PIWIL2: variants seen among roughly 807,000 people sequenced by gnomAD.
PIWIL2 encodes the protein piwi like RNA-mediated gene silencing 2.
PIWIL2 carries 81 observed loss-of-function variants against 116.5 expected under a neutral mutation model. The observed-to-expected ratio is 0.70, with a 90% CI of 0.58 to 0.84. The LOEUF is 0.84. PIWIL2 is among the 40% of genes least tolerant of loss of function. The pLI is 0.00. For synonymous variants in PIWIL2, 489 were observed against 429.5 expected, an observed-to-expected ratio of 1.14 and a Z score of -1.71; for missense variants, 1,272 against 1,212.3, an observed-to-expected ratio of 1.05 and a Z score of -0.73.
intron 10 of PIWIL2, among the ~76,000 whole-genome samples, chr8:22,297,344 C>T (rs1238065554): frequency 6.6e-6 from 1 of 152,124 alleles, no homozygotes; most frequent in African/African-American, 2.4e-5. Context: ...CCTCGAAATC[C>T]TGGCCTTAAG....
intron 10 of PIWIL2, among the ~76,000 whole-genome samples, chr8:22,298,851 T>C (rs1198119096): frequency 6.6e-6 from 1 of 152,176 alleles, no homozygotes; most frequent in Non-Finnish European, 1.5e-5. Flanking sequence ...GCGAGACTCT[T>C]GTGAGTTGAT....
chr8:22,277,608 T>C (rs1830407186), intron 1 of PIWIL2, among the ~76,000 whole-genome samples: 1 of 152,138 alleles, frequency 6.6e-6, no homozygotes, highest in African/African-American at 2.4e-5. Context: ...CTGGCCTCAA[T>C]GGTCCTCCCA....
rs556545935 is a variant in PIWIL2 at position 22,294,457 on chromosome 8, C to T, written c.1181+4111C>T. Among the ~76,000 whole-genome samples, 36 of 150,348 alleles carry T rather than the reference C, an allele frequency of 2.4e-4. 1 individual carries two copies. Among genetic ancestry groups the T allele is most frequent in the Admixed American group, 2.0e-3 (30 of 15,086 alleles). On this transcript the variant is annotated intron_variant, in intron 10 of 22. Coordinates refer to ENST00000356766, the MANE Select transcript of PIWIL2 (RefSeq NM_018068.5). ...GCGATCGAGACCATCCTGGCCAACACGGTGAAACCCCGTCTCTACTAAAAA... is the reference window on the plus strand; with the variant it reads ...GCGATCGAGACCATCCTGGCCAACATGGTGAAACCCCGTCTCTACTAAAAA...
intron 14 of PIWIL2, among the ~76,000 whole-genome samples, chr8:22,308,668 A>G (rs991382339): frequency 6.6e-6 from 1 of 152,112 alleles, no homozygotes; most frequent in African/African-American, 2.4e-5. Context: ...AAATTAACTA[A>G]TTTAAAAAAA....
At chr8:22,289,730 C>T in intron 8 of PIWIL2, 117 bp from the exon 9 acceptor site, 1 of 657,686 alleles carries the variant, frequency 1.5e-6, no homozygotes, top group Non-Finnish European at 2.7e-6. Flanking sequence ...CTGTCTTCTG[C>T]AAAGAGCACA....
In PIWIL2 at chr8:22,314,334, A is replaced by G; in HGVS notation, c.1996A>G (p.Ile666Val). 2 of 1,549,358 alleles carry G rather than the reference A, an allele frequency of 1.3e-6. No individual in the cohort carries two copies. The highest frequency in any genetic ancestry group is 1.4e-5 in the African/African-American group (1 of 72,728). ...IQSTLGAEGK[I>V]QMVVCIIMGP... ...TATACCTTATCTCCTCAAGGGGAAGATACAGATGGTTGTTTGCATCATCAT... is the reference window on the plus strand; with the variant it reads ...TATACCTTATCTCCTCAAGGGGAAGGTACAGATGGTTGTTTGCATCATCAT... Residue 666 changes from isoleucine to valine, a missense_variant, in exon 17 of 23, where the codon ATA (isoleucine) becomes GTA (valine). Ile to Val is a conservative substitution (Grantham distance 29). Transcript: ENST00000356766.
intron 10 of PIWIL2, among the ~76,000 whole-genome samples, chr8:22,293,277 C>G (rs1830805703): frequency 6.6e-6 from 1 of 152,030 alleles, no homozygotes; most frequent in Admixed American, 6.6e-5. Flanking sequence ...CTACTGTACT[C>G]CAGCCTAGGC....
Position 22,300,004 on chromosome 8 carries a change from A to G in PIWIL2, c.1182-4017A>G, listed in dbSNP as rs376206257. 2.4e-4 allele frequency among the ~76,000 whole-genome samples: 36 copies of G among 151,892 alleles called. No homozygotes were observed. The South Asian group carries it at 6.0e-3, about 25-fold the overall frequency. Reference sequence around the variant, plus strand: ...ACCCAGGCTGGAGTGCAATGGTGCGATCTCAGCTCGCTGCAACCTCCATCT... The same window carrying G: ...ACCCAGGCTGGAGTGCAATGGTGCGGTCTCAGCTCGCTGCAACCTCCATCT... On this transcript the variant is annotated intron_variant, in intron 10 of 22. Coordinates refer to ENST00000356766, the MANE Select transcript of PIWIL2 (RefSeq NM_018068.5).
intron 10 of PIWIL2, among the ~76,000 whole-genome samples, chr8:22,293,020 G>T (rs1464551800): frequency 6.6e-6 from 1 of 152,204 alleles, no homozygotes; most frequent in African/African-American, 2.4e-5. Context: ...AAATGTTCAA[G>T]AATATTTATT....
intron 20 of PIWIL2, among the ~76,000 whole-genome samples, chr8:22,325,456 A>T (rs1831700734): frequency 6.7e-6 from 1 of 150,056 alleles, no homozygotes; most frequent in South Asian, 2.1e-4. Context: ...ATGGTCTAAA[A>T]TGATGCATTA....
chr8:22,353,912 A>G lies in PIWIL2; in HGVS notation c.2658-359A>G, dbSNP rs62492573. ...CACCTCAGCCTCCTGAGTAGCTGGG[A>G]CAATAGGCGTATGCCACCATGCCCA... On this transcript the variant is annotated intron_variant, in intron 21 of 22. Transcript: ENST00000356766. 5.7e-3 allele frequency among the ~76,000 whole-genome samples: 860 copies of G among 151,908 alleles called. 5 individuals carry two copies. Among genetic ancestry groups the G allele is most frequent in the South Asian group, 0.023 (110 of 4,802 alleles).
At chr8:22,317,839 T>G (rs796182727) in intron 19 of PIWIL2, among the ~76,000 whole-genome samples, 27 of 152,106 alleles carry the variant, frequency 1.8e-4, no homozygotes, top group African/African-American at 5.8e-4. Context: ...TTTTTTGTAC[T>G]TTTAGTAGAG....
rs1039113124 is a variant in PIWIL2 at position 22,333,706 on chromosome 8, G to T, written c.2403+15431G>T. On this transcript the variant is annotated intron_variant, in intron 20 of 22. Transcript: ENST00000356766. ...ACCAGAAGGTTAGTGGTTGCCTGGGGCTGGGGTCGAGGAGGGAACTGGAGT... is the reference window on the plus strand; with the variant it reads ...ACCAGAAGGTTAGTGGTTGCCTGGGTCTGGGGTCGAGGAGGGAACTGGAGT... Among the ~76,000 whole-genome samples the T allele has an allele frequency of 4.8e-4, 73 of 152,012 alleles. 2 individuals are homozygous for T. The highest frequency in any genetic ancestry group is 2.1e-4 in the South Asian group (1 of 4,808).
intron 20 of PIWIL2, among the ~76,000 whole-genome samples, chr8:22,330,474 G>A (rs1245146662): frequency 6.6e-6 from 1 of 151,966 alleles, no homozygotes; most frequent in Non-Finnish European, 1.5e-5. Context: ...CGAGGCGGGT[G>A]GATCACGAGG....
chr8:22,288,965 T>C (rs534524241), intron 8 of PIWIL2, among the ~76,000 whole-genome samples: 2 of 152,218 alleles, frequency 1.3e-5, no homozygotes, highest in South Asian at 4.1e-4. Flanking sequence ...ATGGTGACGG[T>C]AACAAGGGGG....
chr8:22,294,940 G>A (rs994777634), intron 10 of PIWIL2, among the ~76,000 whole-genome samples: 19 of 150,164 alleles, frequency 1.3e-4, no homozygotes, highest in South Asian at 2.1e-4. Context: ...TTAACTGGGC[G>A]TGGTGGCGCA....
intron 20 of PIWIL2, among the ~76,000 whole-genome samples, chr8:22,342,526 A>T (rs766124295): frequency 1.3e-5 from 2 of 152,212 alleles, no homozygotes; most frequent in Non-Finnish European, 2.9e-5. Flanking sequence ...AGTCAGTGGA[A>T]AAACAATCTT....
chr8:22,277,179 G>C (rs1830397428), intron 1 of PIWIL2, among the ~76,000 whole-genome samples: 1 of 152,082 alleles, frequency 6.6e-6, no homozygotes, highest in Non-Finnish European at 1.5e-5. Flanking sequence ...GCACCACCAT[G>C]CCTGGCTAAT....
intron 20 of PIWIL2, among the ~76,000 whole-genome samples, chr8:22,331,794 C>T (rs1435379370): frequency 2.0e-5 from 3 of 152,058 alleles, no homozygotes; most frequent in Admixed American, 6.6e-5. Flanking sequence ...TCCTCATCTC[C>T]TCTTCTTATG....
Sources: gnomAD v4.1 joint callset for allele counts (sites outside exome capture counted in the v4.1 genomes callset) on GRCh38, gnomAD v4.1.1 for gene constraint, MANE v1.5 for transcripts, NCBI Gene and HGNC (gene_info 2026-07-23, HGNC 2026-07-21) for gene names.